Variants in C16orf46 observed in about 807,000 individuals in gnomAD.
The protein encoded by C16orf46 is uncharacterized protein C16orf46.
In C16orf46, 7 loss-of-function variants were observed where a neutral mutation model predicts 5.5. The observed-to-expected ratio is 1.28, with a 90% CI of 0.73 to 2.40. C16orf46 has a LOEUF of 2.40. Among genes scored for constraint, C16orf46 ranks in the 30% most tolerant of loss-of-function variants. C16orf46 has a pLI of 0.00. For synonymous variants in C16orf46, 200 were observed against 184.1 expected (o/e 1.09, Z -0.70); for missense variants, 614 against 476.0 (o/e 1.29, Z -2.70).
At chr16:81,067,171 A>G (rs1490130878) in intron 1 of C16orf46, among the ~76,000 whole-genome samples, 2 of 152,220 alleles carry the variant, frequency 1.3e-5, no homozygotes, top group Non-Finnish European at 2.9e-5. Context: ...GAAATTTACC[A>G]TAATCCAGAA....
chr16:81,070,737 G>T (rs552702419), intron 1 of C16orf46, among the ~76,000 whole-genome samples: 19 of 152,144 alleles, frequency 1.2e-4, no homozygotes, highest in African/African-American at 3.9e-4. Context: ...GCCCATGCTG[G>T]AGTGCAATGG....
chr16:81,072,926 C>T (rs918081293), intron 1 of C16orf46, among the ~76,000 whole-genome samples: 1 of 152,046 alleles, frequency 6.6e-6, no homozygotes, highest in Non-Finnish European at 1.5e-5. Context: ...TGGTCTCCAA[C>T]TCCTGATGTC....
In C16orf46 at chr16:81,063,133, C is replaced by T. The variant is rs566875743; in HGVS notation, c.210+613G>A. 8.6e-5 allele frequency among the ~76,000 whole-genome samples: 13 copies of T among 151,408 alleles called. No individual in the cohort carries two copies. In the East Asian group the frequency reaches 2.1e-3, roughly 25 times the overall value. ...TGGTGGGCACCTATAATCCCAGCTA[C>T]TCAGGAGGCTGAGGCAGGAGAATCG... On this transcript the variant is annotated intron_variant, in intron 3 of 3. Transcript: ENST00000299578.
chr16:81,059,838 G>C (rs969495057), downstream of C16orf46, among the ~76,000 whole-genome samples: 15 of 151,484 alleles, frequency 9.9e-5, no homozygotes, highest in Non-Finnish European at 1.6e-4. Context: ...GCCCAGGCTG[G>C]AGAGCAGTGG....
Position 81,061,329 on chromosome 16 carries a change from T to G in C16orf46, c.1020A>C (p.Lys340Asn). 1 of 1,614,114 alleles carries G rather than the reference T, an allele frequency of 6.2e-7. No homozygotes were observed. Among genetic ancestry groups the G allele is most frequent in the Non-Finnish European group, 8.5e-7 (1 of 1,180,032 alleles). The change falls in exon 4 of 4, where the codon AAA (lysine) becomes AAC (asparagine). Residue 340 changes from lysine to asparagine, a missense_variant. Coordinates refer to ENST00000299578, the MANE Select transcript of C16orf46 (RefSeq NM_152337.3). Reference protein sequence around the residue: ...RGVQSYKSKFKAKEPRSPVIT... With the variant: ...RGVQSYKSKFNAKEPRSPVIT... ...TCACAGGAGATCTTGGCTCCTTGGC[T>G]TTGAATTTGGATTTGTAGCTTTGCA...
At chr16:81,054,051 A>G (rs755939370) in exon 4 of C16orf46, 1 of 1,607,584 alleles carries the variant, frequency 6.2e-7, no homozygotes, top group South Asian at 1.1e-5. Flanking sequence ...TTAGGACTGA[A>G]TGTGAAACTG....
At chr16:81,074,290 A>G (rs1971952947) in intron 1 of C16orf46, among the ~76,000 whole-genome samples, 2 of 152,244 alleles carry the variant, frequency 1.3e-5, no homozygotes, top group African/African-American at 4.8e-5. Flanking sequence ...TCTGACTAGA[A>G]GTGTCTGCTT....
chr16:81,070,438 T>C (rs1179469282), intron 1 of C16orf46, among the ~76,000 whole-genome samples: 1 of 152,094 alleles, frequency 6.6e-6, no homozygotes, highest in Non-Finnish European at 1.5e-5. Flanking sequence ...TATTAGTGAA[T>C]GAAGAGACAC....
intron 1 of C16orf46, chr16:81,072,304 T>C (rs556524262): frequency 6.8e-6 from 1 of 146,952 alleles, no homozygotes; most frequent in Non-Finnish European, 1.5e-5. Context: ...TGAGGGGTTG[T>C]TCGTGTAATG....
intron 1 of C16orf46, chr16:81,069,994 T>C (rs1206053589): frequency 6.6e-6 from 1 of 152,054 alleles, no homozygotes; most frequent in East Asian, 1.9e-4. Context: ...GGCATGGTGA[T>C]GGCCGCCTAC....
In C16orf46 at chr16:81,061,030, A is replaced by C. The variant is rs1309988355; in HGVS notation, c.*131T>G. On this transcript the variant is annotated 3_prime_UTR_variant, in exon 4 of 4. Coordinates refer to ENST00000299578, the MANE Select transcript of C16orf46 (RefSeq NM_152337.3). ...CTACAAAAAAAAAATGGAGGAAAAG[A>C]AGAGTAAAGACAGACTGACGGGGAG... 1 of 1,404,958 alleles carries C rather than the reference A, an allele frequency of 7.1e-7. No homozygotes were observed. The highest frequency in any genetic ancestry group is 2.5e-5 in the East Asian group (1 of 40,344). The allele number at this position is 1,404,958 out of a possible 1,614,324, so 87.0% of individuals were successfully genotyped here. A position where few individuals can be genotyped will look rare whatever the true frequency, so the allele number is the denominator to read the frequency against.
At chr16:81,067,349 T>C (rs953108155) in intron 1 of C16orf46, among the ~76,000 whole-genome samples, 18 of 152,312 alleles carry the variant, frequency 1.2e-4, no homozygotes, top group Middle Eastern at 6.8e-3. Flanking sequence ...AAGTTCTGTT[T>C]GTTGTAGATG....
At chr16:81,058,831 C>T (rs991174471), downstream of C16orf46, among the ~76,000 whole-genome samples, 4 of 152,142 alleles carry the variant, frequency 2.6e-5, no homozygotes, top group Non-Finnish European at 4.4e-5. Flanking sequence ...GCCCTCCTTC[C>T]TGCCTTATGT....
downstream of C16orf46, chr16:81,060,904 T>G: frequency 9.1e-7 from 1 of 1,100,668 alleles, no homozygotes; most frequent in Non-Finnish European, 1.2e-6. Context: ...CAATTGGCAT[T>G]TTGTGAATGG....
chr16:81,056,954 C>T (rs1219900682), downstream of C16orf46, among the ~76,000 whole-genome samples: 3 of 152,190 alleles, frequency 2.0e-5, no homozygotes, highest in South Asian at 6.2e-4. Flanking sequence ...TTCCCTAAAC[C>T]AGCGGTTCTC....
Position 81,061,348 on chromosome 16 carries a change from C to A in C16orf46, c.1001G>T (p.Ser334Ile). 6.2e-7 allele frequency: 1 copy of A among 1,614,144 alleles called. No individual in the cohort carries two copies. ...LQLLQKRGVQ[S>I]YKSKFKAKEP... is the part of the protein sequence containing the mutation. ...CTTGGCTTTGAATTTGGATTTGTAGCTTTGCACTCCCCGTTTCTGCAGAAG... is the reference window on the plus strand; with the variant it reads ...CTTGGCTTTGAATTTGGATTTGTAGATTTGCACTCCCCGTTTCTGCAGAAG... Residue 334 changes from serine (S) to isoleucine (I), a missense_variant, in exon 4 of 4, where the codon AGC becomes ATC. Ser to Ile is a moderately radical substitution (Grantham distance 142). Coordinates refer to ENST00000299578, the MANE Select transcript of C16orf46 (RefSeq NM_152337.3).
chr16:81,070,173 T>C (rs1375396060), intron 1 of C16orf46, among the ~76,000 whole-genome samples: 1 of 151,920 alleles, frequency 6.6e-6, no homozygotes, highest in Non-Finnish European at 1.5e-5. Context: ...AAAGTTTATA[T>C]GAAAACACAA....
Position 81,061,336 on chromosome 16 carries a change from T to C in C16orf46, c.1013A>G (p.Lys338Arg), listed in dbSNP as rs952203418. 10 of 1,614,000 alleles carry C rather than the reference T, an allele frequency of 6.2e-6. No homozygotes were observed. In the Admixed American group the frequency reaches 1.2e-4, roughly 19 times the overall value. ...AGATCTTGGCTCCTTGGCTTTGAAT[T>C]TGGATTTGTAGCTTTGCACTCCCCG... ...QKRGVQSYKS[K>R]FKAKEPRSPV... Residue 338 changes from lysine (K) to arginine (R), a missense_variant, in exon 4 of 4, where the codon AAA becomes AGA. Physicochemically the swap from Lys to Arg is conservative, Grantham distance 26 (BLOSUM62 2). Transcript: ENST00000299578.
At position 81,061,747 on chromosome 16, in the gene C16orf46, C is replaced by A; in HGVS notation, c.602G>T (p.Gly201Val). The change falls in exon 4 of 4, where the codon GGC (glycine) becomes GTC (valine). Residue 201 changes from glycine (G) to valine (V), a missense_variant. Gly to Val is a moderately radical substitution (Grantham distance 109, BLOSUM62 -3). Coordinates refer to ENST00000299578, the MANE Select transcript of C16orf46 (RefSeq NM_152337.3). ...TAGGAGGGCCCTGGAAGTCAGGGGG[C>A]CTGGGATGGACAGCCCTCTGTGGGC... Reference protein sequence around the residue: ...GGAHRGLSIPGPLTSRALLVL... With the variant: ...GGAHRGLSIPVPLTSRALLVL... 1 of 1,613,928 alleles carries A rather than the reference C, an allele frequency of 6.2e-7. No individual in the cohort carries two copies. The highest frequency in any genetic ancestry group is 1.1e-5 in the South Asian group (1 of 91,086).
Sources: gnomAD v4.1 joint callset for allele counts (sites outside exome capture counted in the v4.1 genomes callset) on GRCh38, gnomAD v4.1.1 for gene constraint, MANE v1.5 for transcripts, NCBI Gene and HGNC (gene_info 2026-07-23, HGNC 2026-07-21) for gene names.